Variants in NCK2 observed in about 807,000 individuals in gnomAD.
The protein encoded by NCK2 is NCK adaptor protein 2.
A neutral mutation model predicts 33.9 loss-of-function variants in NCK2; 16 were observed. That is an observed-to-expected ratio of 0.47 (90% CI 0.32 to 0.72). The LOEUF (loss-of-function observed/expected upper bound fraction) is 0.72, where lower values mean the gene tolerates loss of function less well. Ranked by LOEUF, NCK2 falls within the 30% of genes least tolerant of loss-of-function variation. The pLI is 0.03. For missense variants in NCK2, 418 were observed against 537.3 expected (o/e 0.78, Z 2.19); for synonymous variants, 273 against 239.9 (o/e 1.14, Z -1.27).
intron 2 of NCK2, among the ~76,000 whole-genome samples, chr2:105,841,914 G>C (rs141175090): frequency 6.6e-6 from 1 of 152,106 alleles, no homozygotes; most frequent in Non-Finnish European, 1.5e-5. Context: ...AAGGGAGCTC[G>C]CTTAGAAAAT....
rs181428147 is a variant in NCK2 at position 105,753,553 on chromosome 2, G to A, written c.-201+8415G>A. 1.2e-4 allele frequency among the ~76,000 whole-genome samples: 18 copies of A among 152,334 alleles called. No homozygotes were observed. The East Asian group carries it at 3.3e-3, about 28-fold the overall frequency. ...CAGGTGCCATTGTAAATGCCTGTGT[G>A]ATGTGCCTCTTCATCAGTAGCTGTG... is the stretch of plus-strand genomic sequence containing the variant. On this transcript the variant is annotated intron_variant, in intron 1 of 4. Transcript: ENST00000233154.
chr2:105,835,016 C>G (rs1356050540), intron 2 of NCK2, among the ~76,000 whole-genome samples: 1 of 152,048 alleles, frequency 6.6e-6, no homozygotes. Context: ...AAGGCAAACT[C>G]TTGTAACTAT....
chr2:105,845,088 A>T (rs1676804770), intron 2 of NCK2, among the ~76,000 whole-genome samples: 1 of 152,126 alleles, frequency 6.6e-6, no homozygotes, highest in Non-Finnish European at 1.5e-5. Context: ...GGCTTTCTAT[A>T]ATCCACTCTC....
chr2:105,830,691 G>GTGTGTGTGTGTGTA lies in NCK2; in HGVS notation c.-17+14091_-17+14092insATGTGTGTGTGTGT, dbSNP rs1553458046. ...ATTTGGTGTGTGTGTGTGTGTGTGT[G>GTGTGTGTGTGTGTA]TGTGTGTGTGTGTGTGTGTGTGTGT... On this transcript the variant is annotated intron_variant, in intron 2 of 4. Coordinates refer to ENST00000233154, the MANE Select transcript of NCK2 (RefSeq NM_003581.5). 6.2e-3 allele frequency among the ~76,000 whole-genome samples: 919 copies of GTGTGTGTGTGTGTA among 147,172 alleles called. 8 individuals are homozygous for GTGTGTGTGTGTGTA. Among genetic ancestry groups the GTGTGTGTGTGTGTA allele is most frequent in the African/African-American group, 0.018 (712 of 38,870 alleles).
At position 105,881,370 on chromosome 2, in the gene NCK2, C is replaced by G; in HGVS notation, c.269C>G (p.Ser90Cys). Reference sequence around the variant, plus strand: ...AGGAAGACCAGCGCGCGGGATGCGTCCCCCACGCCCAGCACGGACGCCGAG... The same window carrying G: ...AGGAAGACCAGCGCGCGGGATGCGTGCCCCACGCCCAGCACGGACGCCGAG... ...TRRKTSARDA[S>C]PTPSTDAEYP... The change falls in exon 4 of 5, where the codon TCC becomes TGC. Residue 90 changes from serine to cysteine, a missense_variant. Coordinates refer to ENST00000233154, the MANE Select transcript of NCK2 (RefSeq NM_003581.5). 6.2e-7 allele frequency: 1 copy of G among 1,608,602 alleles called. No homozygotes were observed. The highest frequency in any genetic ancestry group is 8.5e-7 in the Non-Finnish European group (1 of 1,179,364).
At chr2:105,765,815 G>C (rs956001679) in intron 1 of NCK2, among the ~76,000 whole-genome samples, 15 of 151,422 alleles carry the variant, frequency 9.9e-5, no homozygotes, top group African/African-American at 3.6e-4. Flanking sequence ...GTGTGTGTGT[G>C]TCTGTGTGTG....
chr2:105,839,476 A>G (rs1676552970), intron 2 of NCK2, among the ~76,000 whole-genome samples: 1 of 152,126 alleles, frequency 6.6e-6, no homozygotes, highest in African/African-American at 2.4e-5. Flanking sequence ...GTGAGAGACA[A>G]GAGCTTGAGG....
At chr2:105,825,874 T>C (rs957837776) in intron 2 of NCK2, among the ~76,000 whole-genome samples, 2 of 152,192 alleles carry the variant, frequency 1.3e-5, no homozygotes, top group Non-Finnish European at 2.9e-5. Context: ...TGGAGTTCCT[T>C]ATGCAGTCAT....
intron 4 of NCK2, among the ~76,000 whole-genome samples, chr2:105,884,317 G>A (rs1268216367): frequency 3.9e-5 from 6 of 151,914 alleles, no homozygotes; most frequent in South Asian, 2.1e-4. Context: ...GCTGGCTTTC[G>A]CAGCCACCAC....
At chr2:105,755,561 C>T (rs776510739) in intron 1 of NCK2, among the ~76,000 whole-genome samples, 13 of 152,210 alleles carry the variant, frequency 8.5e-5, no homozygotes, top group Non-Finnish European at 1.2e-4. Context: ...ACACATTGCA[C>T]GTTCATGCGT....
chr2:105,779,259 A>G (rs1354093696), intron 1 of NCK2, among the ~76,000 whole-genome samples: 1 of 137,308 alleles, frequency 7.3e-6, no homozygotes, highest in Non-Finnish European at 1.5e-5. Context: ...GTGAGCCGAG[A>G]TTGTGCCACT....
intron 1 of NCK2, among the ~76,000 whole-genome samples, chr2:105,801,862 G>A (rs572830445): frequency 1.6e-4 from 25 of 152,204 alleles, no homozygotes; most frequent in East Asian, 5.8e-4. Flanking sequence ...AGAGTTAGTC[G>A]TCTTGCTGAG....
intron 1 of NCK2, among the ~76,000 whole-genome samples, chr2:105,746,893 G>A (rs556984955): frequency 1.3e-5 from 2 of 152,196 alleles, no homozygotes; most frequent in Admixed American, 1.3e-4. Flanking sequence ...CTGTGGAGGT[G>A]CCTGGCCCAC....
At chr2:105,835,402 T>TATATATATATATATAC (rs1278239028) in intron 2 of NCK2, among the ~76,000 whole-genome samples, 1 of 73,126 alleles carries the variant, frequency 1.4e-5, no homozygotes, top group East Asian at 5.7e-4. Flanking sequence ...TATATATATA[T>TATATATATATATATAC]ATACGTGTAT....
chr2:105,747,310 G>A (rs1482452785), intron 1 of NCK2, among the ~76,000 whole-genome samples: 1 of 152,142 alleles, frequency 6.6e-6, no homozygotes, highest in Non-Finnish European at 1.5e-5. Flanking sequence ...TAAATACACC[G>A]GAAATCTTCC....
At chr2:105,843,561 A>G (rs1260802080) in intron 2 of NCK2, among the ~76,000 whole-genome samples, 3 of 152,208 alleles carry the variant, frequency 2.0e-5, no homozygotes, top group Non-Finnish European at 2.9e-5. Flanking sequence ...GGTGCCAGAA[A>G]GTAAGGATGT....
chr2:105,887,649 A>C (rs1289334788), intron 4 of NCK2, among the ~76,000 whole-genome samples: 2 of 152,220 alleles, frequency 1.3e-5, no homozygotes, highest in African/African-American at 4.8e-5. Context: ...AATCGCATTA[A>C]TACATAAGCT....
chr2:105,862,824 C>T (rs1677593137), intron 3 of NCK2, among the ~76,000 whole-genome samples: 1 of 152,188 alleles, frequency 6.6e-6, no homozygotes, highest in Non-Finnish European at 1.5e-5. Context: ...TTTTCCTGTG[C>T]ACTAAAAGAA....
intron 2 of NCK2, among the ~76,000 whole-genome samples, chr2:105,841,655 C>G (rs1006364609): frequency 6.6e-6 from 1 of 152,194 alleles, no homozygotes; most frequent in Non-Finnish European, 1.5e-5. Flanking sequence ...AGTCCCAACC[C>G]TCTAATCCTG....
Sources: allele counts gnomAD v4.1 joint callset (sites outside exome capture counted in the v4.1 genomes callset), GRCh38; gene constraint gnomAD v4.1.1; transcripts MANE v1.5; gene names NCBI Gene and HGNC (gene_info 2026-07-23, HGNC 2026-07-21).